ZNF678: variants seen among roughly 807,000 people sequenced by gnomAD.
ZNF678 encodes the protein zinc finger protein 678.
ZNF678 carries 5 observed loss-of-function variants against 3.0 expected under a neutral mutation model. That is an observed-to-expected ratio of 1.69 (90% CI 0.88 to 3.56). The LOEUF (loss-of-function observed/expected upper bound fraction) is 3.56, where lower values mean the gene tolerates loss of function less well. ZNF678 is among the 30% of genes most tolerant of loss of function. The probability of loss-of-function intolerance (pLI) is 0.00; values close to 1 mark genes in which losing one functional copy is unlikely to be tolerated. For synonymous variants in ZNF678, 218 were observed against 199.6 expected, an observed-to-expected ratio of 1.09 and a Z score of -0.78; for missense variants, 593 against 605.0, an observed-to-expected ratio of 0.98 and a Z score of 0.21.
intron 1 of ZNF678, among the ~76,000 whole-genome samples, chr1:227,605,220 T>C (rs978072855): frequency 3.9e-5 from 6 of 152,198 alleles, no homozygotes; most frequent in Non-Finnish European, 7.3e-5. Flanking sequence ...TTGAATGATA[T>C]AGTTTTCTTT....
chr1:227,581,357 AGAAG>A (rs541508830), intron 1 of ZNF678, among the ~76,000 whole-genome samples: 109 of 152,024 alleles, frequency 7.2e-4, no homozygotes, highest in African/African-American at 2.3e-3. Context: ...AAGAAAGAAA[AGAAG>A]GAAGGAAGGA....
At chr1:227,583,527 G>T (rs1657187403) in intron 1 of ZNF678, among the ~76,000 whole-genome samples, 1 of 151,432 alleles carries the variant, frequency 6.6e-6, no homozygotes, top group African/African-American at 2.4e-5. Context: ...TTTGTCAGGA[G>T]TTCCTTGACC....
At position 227,655,807 on chromosome 1, in the gene ZNF678, TA is replaced by T. The variant is rs763710563; in HGVS notation, c.1563del (p.Lys521AsnfsTer30). 4.0e-5 allele frequency: 63 copies of T among 1,570,960 alleles called. 2 individuals are homozygous for T. The Middle Eastern group carries it at 1.4e-3, about 34-fold the overall frequency. Reference sequence around the variant, plus strand: ...ATACTGGAGAGGAACCTGACAAATGTAAAAAATGTGGCAGTCTTTAAAAACT... The same window carrying T: ...ATACTGGAGAGGAACCTGACAAATGTAAAAATGTGGCAGTCTTTAAAAACT... ...IYTGEEPDKC[K>X]KCGSL On this transcript the variant is annotated frameshift_variant, in exon 4 of 4. Coordinates refer to ENST00000343776, the MANE Select transcript of ZNF678 (RefSeq NM_001367909.1). LOFTEE classifies it high-confidence loss of function.
In ZNF678 at chr1:227,646,534, C is replaced by A. The variant is rs562730074; in HGVS notation, c.-163-10C>A. ...TTTTGTAAATACGTGTGTATTTTTC[C>A]CCCCCCCAGGGACTACTGGCATTCA... On this transcript the variant is annotated splice_polypyrimidine_tract_variant and intron_variant, in intron 1 of 3. Transcript: ENST00000343776. 5.6e-6 allele frequency: 7 copies of A among 1,242,010 alleles called. No homozygotes were observed. The highest frequency in any genetic ancestry group is 6.2e-6 in the Non-Finnish European group (6 of 965,832). The allele number at this position is 1,242,010 out of a possible 1,614,324, so 76.9% of individuals were successfully genotyped here. A position where few individuals can be genotyped will look rare whatever the true frequency, so the allele number is the denominator to read the frequency against.
At chr1:227,627,733 G>A (rs1455054328) in intron 1 of ZNF678, among the ~76,000 whole-genome samples, 1 of 152,122 alleles carries the variant, frequency 6.6e-6, no homozygotes, top group East Asian at 1.9e-4. Flanking sequence ...TATTAATTCT[G>A]CCAGCTGAGT....
chr1:227,609,836 C>T (rs549378161), intron 1 of ZNF678, among the ~76,000 whole-genome samples: 4 of 151,936 alleles, frequency 2.6e-5, no homozygotes, highest in East Asian at 1.9e-4. Flanking sequence ...CAGGTTCAAG[C>T]GATTTTCCTG....
intron 1 of ZNF678, among the ~76,000 whole-genome samples, chr1:227,617,546 G>C (rs1658171368): frequency 6.6e-6 from 1 of 152,148 alleles, no homozygotes; most frequent in African/African-American, 2.4e-5. Context: ...CCCTTTCTGG[G>C]ATATCCCTGG....
intron 1 of ZNF678, among the ~76,000 whole-genome samples, chr1:227,618,333 A>G (rs185024006): frequency 6.6e-6 from 1 of 152,302 alleles, no homozygotes; most frequent in Admixed American, 6.5e-5. Context: ...GAATTGGGAG[A>G]TGAGAGGAGC....
intron 1 of ZNF678, among the ~76,000 whole-genome samples, chr1:227,642,871 G>GA (rs757714697): frequency 2.0e-5 from 3 of 152,150 alleles, no homozygotes; most frequent in Non-Finnish European, 4.4e-5. Context: ...GTACTTGGAT[G>GA]AAGAACCAAG....
intron 1 of ZNF678, among the ~76,000 whole-genome samples, chr1:227,590,491 G>A (rs1333495719): frequency 1.3e-5 from 2 of 151,686 alleles, no homozygotes; most frequent in East Asian, 1.9e-4. Flanking sequence ...ATGGGGGTTG[G>A]GTATCCCCAC....
intron 5 of ZNF678, among the ~76,000 whole-genome samples, chr1:227,668,117 G>A (rs1386658568): frequency 6.6e-6 from 1 of 152,180 alleles, no homozygotes; most frequent in African/African-American, 2.4e-5. Context: ...CTCTAACAAT[G>A]TAGATATTTG....
At chr1:227,578,415 C>T (rs547233533) in intron 1 of ZNF678, among the ~76,000 whole-genome samples, 18 of 152,268 alleles carry the variant, frequency 1.2e-4, no homozygotes, top group African/African-American at 4.1e-4. Context: ...CATGATATAT[C>T]TTGGATGTTT....
chr1:227,570,271 T>TA (rs1468125696), intron 1 of ZNF678, among the ~76,000 whole-genome samples: 1 of 152,248 alleles, frequency 6.6e-6, no homozygotes, highest in Non-Finnish European at 1.5e-5. Flanking sequence ...GGGTCACTAG[T>TA]ATGATGCCCT....
chr1:227,621,478 A>T (rs1272013696), intron 1 of ZNF678, among the ~76,000 whole-genome samples: 1 of 152,122 alleles, frequency 6.6e-6, no homozygotes, highest in African/African-American at 2.4e-5. Context: ...GTCTCCTTAG[A>T]TACACAGGCA....
intron 1 of ZNF678, among the ~76,000 whole-genome samples, chr1:227,615,298 G>A (rs1009355935): frequency 2.0e-5 from 3 of 152,192 alleles, no homozygotes; most frequent in African/African-American, 7.2e-5. Flanking sequence ...TTCAGGTCAT[G>A]TTTAGTTTAA....
At chr1:227,646,452 C>A in intron 1 of ZNF678, 92 bp from the exon 2 acceptor site, 1 of 1,242,988 alleles carries the variant, frequency 8.0e-7, no homozygotes, top group Non-Finnish European at 1.1e-6. Flanking sequence ...TCTGCCAGAA[C>A]AAGTTCACTT....
At chr1:227,625,678 G>T (rs962470612) in intron 1 of ZNF678, among the ~76,000 whole-genome samples, 1 of 152,164 alleles carries the variant, frequency 6.6e-6, no homozygotes, top group African/African-American at 2.4e-5. Context: ...GGCTTACCGG[G>T]TGAGTATAGG....
chr1:227,671,683 G>T (rs16848042), intron 5 of ZNF678, among the ~76,000 whole-genome samples: 2 of 151,900 alleles, frequency 1.3e-5, no homozygotes, highest in Non-Finnish European at 2.9e-5. Context: ...ACCACCTTTA[G>T]CTATGACTCT....
At chr1:227,579,428 G>T (rs372429555) in intron 1 of ZNF678, among the ~76,000 whole-genome samples, 7 of 152,210 alleles carry the variant, frequency 4.6e-5, no homozygotes, top group African/African-American at 1.4e-4. Context: ...TGCTAGTGTG[G>T]GTAGGGCTTG....
Sources: gnomAD v4.1 joint callset for allele counts (sites outside exome capture counted in the v4.1 genomes callset) on GRCh38, gnomAD v4.1.1 for gene constraint, MANE v1.5 for transcripts, NCBI Gene and HGNC (gene_info 2026-07-23, HGNC 2026-07-21) for gene names.